IL1RAPL1: variants seen among roughly 807,000 people sequenced by gnomAD.
IL1RAPL1 encodes the protein interleukin 1 receptor accessory protein like 1.
A neutral mutation model predicts 48.4 loss-of-function variants in IL1RAPL1; 3 were observed. That is an observed-to-expected ratio of 0.06 (90% CI 0.03 to 0.16). The LOEUF (loss-of-function observed/expected upper bound fraction) is 0.16, where lower values mean the gene tolerates loss of function less well. IL1RAPL1 is among the 10% of genes least tolerant of loss of function. The pLI is 1.00. For synonymous variants in IL1RAPL1, 185 were observed against 187.7 expected (o/e 0.99, Z 0.12); for missense variants, 349 against 530.6 (o/e 0.66, Z 3.36).
chrX:29,577,369 A>T (rs1308903306), intron 5 of IL1RAPL1, among the ~76,000 whole-genome samples: 1 of 111,584 alleles, frequency 9.0e-6, no homozygotes, highest in Non-Finnish European at 1.9e-5. Context: ...TGCCCTACCC[A>T]AGCCTGTTAA....
intron 6 of IL1RAPL1, among the ~76,000 whole-genome samples, chrX:29,901,196 G>A (rs750791654): frequency 2.2e-4 from 25 of 111,877 alleles, no homozygotes; most frequent in South Asian, 3.8e-4. Context: ...CATACATCTC[G>A]TTGACCCGGT....
chrX:28,589,116 T>C (rs1186992496), intron 1 of IL1RAPL1, among the ~76,000 whole-genome samples: 1 of 111,874 alleles, frequency 8.9e-6, no homozygotes, highest in Non-Finnish European at 1.9e-5. Flanking sequence ...TAAAGTTCCA[T>C]ATTCAGTGCC....
At chrX:29,680,528 T>A (rs1035059628) in intron 6 of IL1RAPL1, among the ~76,000 whole-genome samples, 7 of 110,776 alleles carry the variant, frequency 6.3e-5, no homozygotes, top group African/African-American at 2.3e-4. Flanking sequence ...TATTTTTGTG[T>A]GAGTACGTAG....
chrX:29,334,507 T>C (rs1932948760), intron 3 of IL1RAPL1, among the ~76,000 whole-genome samples: 7 of 112,308 alleles, frequency 6.2e-5, no homozygotes, highest in Admixed American at 3.7e-4. Flanking sequence ...GAGACGCTCC[T>C]CACTTCCCAG....
intron 6 of IL1RAPL1, among the ~76,000 whole-genome samples, chrX:29,749,038 G>T (rs1265096360): frequency 8.9e-6 from 1 of 112,459 alleles, no homozygotes; most frequent in African/African-American, 3.2e-5. Flanking sequence ...AGGAAGAAAT[G>T]AAAGGGAGAA....
At chrX:29,827,816 G>C (rs1930773615) in intron 6 of IL1RAPL1, among the ~76,000 whole-genome samples, 1 of 112,345 alleles carries the variant, frequency 8.9e-6, no homozygotes, top group Non-Finnish European at 1.9e-5. Context: ...AAATGAGGTA[G>C]TATATGTAAA....
intron 2 of IL1RAPL1, among the ~76,000 whole-genome samples, chrX:29,057,226 C>A (rs981849860): frequency 9.0e-6 from 1 of 111,189 alleles, no homozygotes; most frequent in East Asian, 2.8e-4. Context: ...TTATCCATTT[C>A]TCTTTTGATT....
intron 6 of IL1RAPL1, among the ~76,000 whole-genome samples, chrX:29,867,769 C>T (rs1478493950): frequency 8.9e-6 from 1 of 111,926 alleles, no homozygotes; most frequent in Non-Finnish European, 1.9e-5. Context: ...CATGCAGCCT[C>T]CCCTCAATTC....
At chrX:29,061,150 A>G (rs1438889008) in intron 2 of IL1RAPL1, among the ~76,000 whole-genome samples, 1 of 111,782 alleles carries the variant, frequency 8.9e-6, no homozygotes, top group Non-Finnish European at 1.9e-5. Context: ...TTAGAATATA[A>G]TACTTAACAA....
intron 2 of IL1RAPL1, among the ~76,000 whole-genome samples, chrX:28,998,546 G>C (rs923869592): frequency 1.8e-5 from 2 of 112,033 alleles, no homozygotes; most frequent in Non-Finnish European, 3.8e-5. Flanking sequence ...GTAATTAACT[G>C]TTCTGCTTTT....
chrX:28,692,064 G>A (rs1183536162), intron 1 of IL1RAPL1, among the ~76,000 whole-genome samples: 2 of 110,986 alleles, frequency 1.8e-5, no homozygotes, highest in Non-Finnish European at 3.8e-5. Flanking sequence ...GGAAGCAAGA[G>A]ACAGACAGGG....
intron 5 of IL1RAPL1, among the ~76,000 whole-genome samples, chrX:29,595,658 G>A (rs992584097): frequency 8.9e-6 from 1 of 111,894 alleles, no homozygotes; most frequent in Admixed American, 9.5e-5. Flanking sequence ...TTCATGTAAG[G>A]TTGTGAAGAT....
At chrX:29,076,271 A>T (rs1035460508) in intron 2 of IL1RAPL1, among the ~76,000 whole-genome samples, 1 of 111,631 alleles carries the variant, frequency 9.0e-6, no homozygotes, top group Admixed American at 9.5e-5. Context: ...ATCTTCTTCT[A>T]CCCTTCTATC....
chrX:29,338,891 T>C (rs777608410), intron 3 of IL1RAPL1, among the ~76,000 whole-genome samples: 1 of 111,000 alleles, frequency 9.0e-6, no homozygotes, highest in South Asian at 3.8e-4. Flanking sequence ...TTTGGTCTGA[T>C]TTTGATGACA....
intron 2 of IL1RAPL1, among the ~76,000 whole-genome samples, chrX:28,836,812 T>C (rs774602205): frequency 7.8e-4 from 86 of 110,299 alleles, no homozygotes; most frequent in African/African-American, 2.8e-3. Context: ...TTATTATTAT[T>C]ATCATGACAC....
chrX:29,201,741 G>C (rs998915294), intron 2 of IL1RAPL1, among the ~76,000 whole-genome samples: 4 of 107,362 alleles, frequency 3.7e-5, no homozygotes, highest in Non-Finnish European at 7.7e-5. Flanking sequence ...GCCTGGGCTA[G>C]AGTGCAATGG....
intron 2 of IL1RAPL1, among the ~76,000 whole-genome samples, chrX:28,860,647 C>T (rs773921751): frequency 1.6e-4 from 18 of 109,251 alleles, no homozygotes; most frequent in African/African-American, 2.7e-4. Context: ...GTAGTAGAGA[C>T]GGGGTTTCAC....
intron 5 of IL1RAPL1, among the ~76,000 whole-genome samples, chrX:29,416,388 T>C (rs1337310809): frequency 1.8e-5 from 2 of 111,063 alleles, no homozygotes; most frequent in Non-Finnish European, 3.8e-5. Flanking sequence ...ATACAAAAAT[T>C]AGCTGGGTGT....
intron 8 of IL1RAPL1, among the ~76,000 whole-genome samples, chrX:29,938,939 T>A (rs1933079697): frequency 1.8e-5 from 2 of 112,463 alleles, no homozygotes; most frequent in African/African-American, 6.5e-5. Context: ...CTGAGTATAT[T>A]CTATCATATG....
Sources: gnomAD v4.1 joint callset for allele counts (sites outside exome capture counted in the v4.1 genomes callset) on GRCh38, gnomAD v4.1.1 for gene constraint, MANE v1.5 for transcripts, NCBI Gene and HGNC (gene_info 2026-07-23, HGNC 2026-07-21) for gene names.